Variants in HSD17B11 observed in about 807,000 individuals in gnomAD.
HSD17B11 encodes hydroxysteroid 17-beta dehydrogenase 11, also known as estradiol 17-beta-dehydrogenase 11.
A neutral mutation model predicts 27.8 loss-of-function variants in HSD17B11; 22 were observed. The observed-to-expected ratio is 0.79, with a 90% confidence interval of 0.56 to 1.13. HSD17B11 has a LOEUF of 1.13. Ranked by LOEUF, HSD17B11 falls within the 50% of genes most tolerant of loss-of-function variation. HSD17B11 has a pLI of 0.00. For synonymous variants in HSD17B11, 117 were observed against 132.8 expected (o/e 0.88, Z 0.82); for missense variants, 314 against 351.1 (o/e 0.89, Z 0.84).
At chr4:87,371,585 G>A (rs1578042422) in intron 4 of HSD17B11, among the ~76,000 whole-genome samples, 1 of 152,134 alleles carries the variant, frequency 6.6e-6, no homozygotes, top group Non-Finnish European at 1.5e-5. Flanking sequence ...TGTATGTCAC[G>A]TGTCAATAAA....
chr4:87,368,272 G>A (rs1226127032), intron 4 of HSD17B11, among the ~76,000 whole-genome samples: 4 of 151,988 alleles, frequency 2.6e-5, no homozygotes, highest in African/African-American at 4.8e-5. Flanking sequence ...AGCTGAGATC[G>A]CACCACTGCA....
At chr4:87,356,745 T>A (rs187138412) in intron 5 of HSD17B11, among the ~76,000 whole-genome samples, 1 of 152,270 alleles carries the variant, frequency 6.6e-6, no homozygotes, top group Non-Finnish European at 1.5e-5. Context: ...TTTATAATTT[T>A]ATTTTTTAAC....
intron 2 of HSD17B11, among the ~76,000 whole-genome samples, chr4:87,377,131 AAAAG>A (rs2110127518): frequency 6.6e-6 from 1 of 151,040 alleles, no homozygotes; most frequent in East Asian, 2.0e-4. Flanking sequence ...CTCTGTCTCA[AAAAG>A]AAAGAAAAAT....
chr4:87,387,772 T>C (rs1048142380), intron 1 of HSD17B11, among the ~76,000 whole-genome samples: 10 of 152,160 alleles, frequency 6.6e-5, no homozygotes, highest in African/African-American at 2.4e-4. Context: ...CAAAATAAAA[T>C]ATAGATTATT....
intron 2 of HSD17B11, among the ~76,000 whole-genome samples, chr4:87,380,216 A>AG (rs1720102181): frequency 6.6e-6 from 1 of 151,346 alleles, no homozygotes; most frequent in Non-Finnish European, 1.5e-5. Context: ...TAAGAAATAT[A>AG]CAAATCCCAG....
At chr4:87,383,455 G>T (rs1720224701) in intron 1 of HSD17B11, among the ~76,000 whole-genome samples, 1 of 152,112 alleles carries the variant, frequency 6.6e-6, no homozygotes, top group Admixed American at 6.6e-5. Context: ...AAAATGTAGA[G>T]GAAAGAATAT....
intron 2 of HSD17B11, among the ~76,000 whole-genome samples, chr4:87,376,503 CAAAAA>C (rs70957230): frequency 0.046 from 2,902 of 63,180 alleles, 105 homozygotes; most frequent in African/African-American, 0.13. Flanking sequence ...GATTTCATCT[CAAAAA>C]AAAAAAAAAA....
At chr4:87,377,259 G>A (rs1462292710) in intron 2 of HSD17B11, among the ~76,000 whole-genome samples, 1 of 152,198 alleles carries the variant, frequency 6.6e-6, no homozygotes, top group Non-Finnish European at 1.5e-5. Context: ...AGACCAGCCT[G>A]ACCAACATGG....
rs770673158 is a variant in HSD17B11, at chr4:87,340,488, A to G, written c.812+2T>C. 6.4e-7 allele frequency: 1 copy of G among 1,567,034 alleles called. No individual in the cohort carries two copies. The highest frequency in any genetic ancestry group is 8.7e-7 in the Non-Finnish European group (1 of 1,145,520). The stretch of plus-strand genomic sequence containing the variant: ...TTCTAAGGTTTCTTAACTGTCACTT[A>G]CCTTTCCAATGTTGTTAAAAAAGCT... On this transcript the variant is annotated splice_donor_variant, in intron 6 of 6. Transcript: ENST00000358290. LOFTEE classifies it high-confidence loss of function.
chr4:87,366,024 T>C (rs1203701724), intron 4 of HSD17B11: 1 of 152,126 alleles, frequency 6.6e-6, no homozygotes, highest in Non-Finnish European at 1.5e-5. Context: ...GCCTGGCTAA[T>C]TTTGTATTTT....
chr4:87,359,557 T>C (rs1015682874), intron 4 of HSD17B11, among the ~76,000 whole-genome samples: 5 of 152,160 alleles, frequency 3.3e-5, no homozygotes, highest in African/African-American at 9.7e-5. Context: ...GAGATGTGGG[T>C]CTCGCTACGT....
intron 4 of HSD17B11, among the ~76,000 whole-genome samples, chr4:87,367,428 A>G (rs1735631668): frequency 6.6e-6 from 1 of 152,230 alleles, no homozygotes; most frequent in Non-Finnish European, 1.5e-5. Context: ...ATTTAAGGGT[A>G]CAAACCCATG....
At chr4:87,389,962 T>C (rs1245667466) in intron 1 of HSD17B11, among the ~76,000 whole-genome samples, 2 of 152,128 alleles carry the variant, frequency 1.3e-5, no homozygotes, top group Non-Finnish European at 2.9e-5. Flanking sequence ...GTAAAAAATG[T>C]TTTTTAAAAA....
intron 4 of HSD17B11, among the ~76,000 whole-genome samples, chr4:87,364,613 GATGGGCTGATTACAAA>G (rs1735584111): frequency 6.6e-6 from 1 of 152,198 alleles, no homozygotes; most frequent in Non-Finnish European, 1.5e-5. Context: ...CTCTCATGAG[GATGGGCTGATTACAAA>G]ATGGGCTGAT....
intron 4 of HSD17B11, among the ~76,000 whole-genome samples, chr4:87,370,308 C>T (rs1735683416): frequency 6.6e-6 from 1 of 152,214 alleles, no homozygotes; most frequent in African/African-American, 2.4e-5. Flanking sequence ...GTAATGCCAA[C>T]AGGCAACCTC....
chr4:87,355,949 G>A (rs1165336954), intron 5 of HSD17B11, among the ~76,000 whole-genome samples: 5 of 152,112 alleles, frequency 3.3e-5, no homozygotes, highest in Middle Eastern at 3.4e-3. Flanking sequence ...AACAACTCTA[G>A]AGCTCAATAG....
chr4:87,372,598 G>T, intron 4 of HSD17B11, 111 bp downstream of exon 4: 1 of 670,586 alleles, frequency 1.5e-6, no homozygotes, highest in South Asian at 1.9e-5. Context: ...TAATAAACTG[G>T]AAAACTTCAA....
At chr4:87,386,056 T>C (rs1720306494) in intron 1 of HSD17B11, 1 of 152,210 alleles carries the variant, frequency 6.6e-6, no homozygotes, top group South Asian at 2.1e-4. Flanking sequence ...ACTGGTTGGC[T>C]TTCTGTAACC....
At chr4:87,375,403 T>A (rs1351172834) in intron 2 of HSD17B11, among the ~76,000 whole-genome samples, 1 of 152,242 alleles carries the variant, frequency 6.6e-6, no homozygotes, top group African/African-American at 2.4e-5. Flanking sequence ...GGCATTTGGC[T>A]AAGTAGCATT....
Sources: allele counts gnomAD v4.1 joint callset (sites outside exome capture counted in the v4.1 genomes callset), GRCh38; gene constraint gnomAD v4.1.1; transcripts MANE v1.5; gene names NCBI Gene and HGNC (gene_info 2026-07-23, HGNC 2026-07-21).